Variants in PTPRT observed in about 807,000 individuals in gnomAD.
The protein encoded by PTPRT is protein tyrosine phosphatase receptor type T.
A neutral mutation model predicts 176.8 loss-of-function variants in PTPRT; 56 were observed. The ratio of observed to expected loss-of-function variants is 0.32; its 90% CI spans 0.26 to 0.40. PTPRT has a LOEUF of 0.40. Ranked by LOEUF, PTPRT falls within the 10% of genes least tolerant of loss-of-function variation. The probability of loss-of-function intolerance (pLI) is 1.00; values close to 1 mark genes in which losing one functional copy is unlikely to be tolerated. For missense variants in PTPRT, 1,540 were observed against 1,908.2 expected (o/e 0.81, Z 3.60); for synonymous variants, 783 against 739.0 (o/e 1.06, Z -0.96).
At chr20:42,524,190 A>G (rs1445138233) in intron 7 of PTPRT, among the ~76,000 whole-genome samples, 1 of 152,168 alleles carries the variant, frequency 6.6e-6, no homozygotes, top group Non-Finnish European at 1.5e-5. Flanking sequence ...TATTTTTTAT[A>G]TAGTCAGTGT....
At chr20:43,140,541 G>A (rs2013973883) in intron 1 of PTPRT, among the ~76,000 whole-genome samples, 1 of 151,566 alleles carries the variant, frequency 6.6e-6, no homozygotes, top group African/African-American at 2.4e-5. Context: ...TGTGCATGTA[G>A]TGTAAAGTGG....
chr20:42,829,019 G>GA (rs144041897), intron 2 of PTPRT, among the ~76,000 whole-genome samples: 14,858 of 151,976 alleles, frequency 0.098, 793 homozygotes, highest in African/African-American at 0.14. Flanking sequence ...CATGTGCCTG[G>GA]AAAAATCACA....
At chr20:42,541,457 G>A (rs2072577272) in intron 7 of PTPRT, among the ~76,000 whole-genome samples, 1 of 151,890 alleles carries the variant, frequency 6.6e-6, no homozygotes, top group Non-Finnish European at 1.5e-5. Flanking sequence ...AATAAAGGTG[G>A]AATATAAATC....
chr20:42,252,472 T>C (rs2056563585), intron 13 of PTPRT, among the ~76,000 whole-genome samples: 2 of 151,578 alleles, frequency 1.3e-5, no homozygotes, highest in South Asian at 4.2e-4. Flanking sequence ...ATTTAGTGAG[T>C]AGAGGGAGAT....
chr20:42,219,963 A>G (rs541647104), intron 15 of PTPRT, among the ~76,000 whole-genome samples: 1 of 152,334 alleles, frequency 6.6e-6, no homozygotes, highest in Admixed American at 6.5e-5. Context: ...CACATCGTTC[A>G]TGCAGTAGCC....
At chr20:42,544,326 A>G (rs1243151962) in intron 7 of PTPRT, among the ~76,000 whole-genome samples, 3 of 152,246 alleles carry the variant, frequency 2.0e-5, no homozygotes, top group Non-Finnish European at 4.4e-5. Context: ...CACTTCTGTT[A>G]TGAAGAAAAC....
chr20:42,976,432 G>T (rs1351776030), intron 1 of PTPRT, among the ~76,000 whole-genome samples: 1 of 151,424 alleles, frequency 6.6e-6, no homozygotes, highest in Non-Finnish European at 1.5e-5. Context: ...TTGAGACAGA[G>T]TCTCGCTCTG....
rs208203 is a variant in PTPRT at position 42,896,297 on chromosome 20, C to T, written c.89-10365G>A. Among the ~76,000 whole-genome samples, 508 of 152,044 alleles carry T rather than the reference C, an allele frequency of 3.3e-3. 4 individuals carry two copies. The highest frequency in any genetic ancestry group is 0.011 in the African/African-American group (468 of 41,454). Reference sequence around the variant, plus strand: ...ATAGGTCCACCTACAAAATTTGGAGCGCCCCTTGCAAGACTAAAATGCAGA... The same window carrying T: ...ATAGGTCCACCTACAAAATTTGGAGTGCCCCTTGCAAGACTAAAATGCAGA... On this transcript the variant is annotated intron_variant, in intron 1 of 30. Transcript: ENST00000373187.
chr20:42,519,981 C>T (rs1387827656), intron 7 of PTPRT, among the ~76,000 whole-genome samples: 1 of 151,984 alleles, frequency 6.6e-6, no homozygotes. Context: ...TGAATTTATC[C>T]TTTCATCACA....
intron 1 of PTPRT, among the ~76,000 whole-genome samples, chr20:43,116,346 G>A (rs946185297): frequency 1.3e-5 from 2 of 152,054 alleles, no homozygotes; most frequent in Non-Finnish European, 2.9e-5. Flanking sequence ...AGGTGGTGGG[G>A]GATTAAATGA....
At chr20:42,443,005 G>A (rs577003941) in intron 9 of PTPRT, among the ~76,000 whole-genome samples, 2 of 152,288 alleles carry the variant, frequency 1.3e-5, no homozygotes, top group East Asian at 3.9e-4. Context: ...GAACCCTGAT[G>A]CCTTAATCAA....
At chr20:42,655,580 G>A (rs894164647) in intron 7 of PTPRT, among the ~76,000 whole-genome samples, 1 of 152,212 alleles carries the variant, frequency 6.6e-6, no homozygotes, top group Non-Finnish European at 1.5e-5. Flanking sequence ...AATAGTGGCA[G>A]CAAAGACTCC....
At chr20:42,624,645 G>A (rs2074259039) in intron 7 of PTPRT, among the ~76,000 whole-genome samples, 1 of 152,164 alleles carries the variant, frequency 6.6e-6, no homozygotes, top group Non-Finnish European at 1.5e-5. Flanking sequence ...TCTGAAGAGA[G>A]TAAAGGAGAA....
At chr20:42,601,713 A>G (rs984660869) in intron 7 of PTPRT, among the ~76,000 whole-genome samples, 2 of 152,226 alleles carry the variant, frequency 1.3e-5, no homozygotes, top group Non-Finnish European at 2.9e-5. Context: ...ATAAATCATT[A>G]CTAAATTAAT....
chr20:42,610,480 A>T (rs969272981), intron 7 of PTPRT, among the ~76,000 whole-genome samples: 2 of 149,814 alleles, frequency 1.3e-5, no homozygotes, highest in African/African-American at 2.5e-5. Flanking sequence ...TTGGCCTCCC[A>T]AAGGGCTGGG....
chr20:42,648,937 G>A (rs1005007928), intron 7 of PTPRT, among the ~76,000 whole-genome samples: 3 of 150,006 alleles, frequency 2.0e-5, no homozygotes, highest in African/African-American at 7.4e-5. Flanking sequence ...TCCTGCCTCA[G>A]CCTCCCGAGT....
intron 9 of PTPRT, among the ~76,000 whole-genome samples, chr20:42,356,708 CAAT>C (rs1294191416): frequency 2.0e-5 from 3 of 152,088 alleles, no homozygotes; most frequent in Non-Finnish European, 2.9e-5. Context: ...ACAACAACAA[CAAT>C]GACAAAATCC....
chr20:42,974,832 C>A (rs1172493558), intron 1 of PTPRT, among the ~76,000 whole-genome samples: 1 of 152,208 alleles, frequency 6.6e-6, no homozygotes. Context: ...AGCACTACCC[C>A]CAATGGTCAT....
rs1354822968 is a variant in PTPRT, at chr20:43,007,816, GAT to G, written c.89-121886_89-121885del. Among the ~76,000 whole-genome samples the G allele has an allele frequency of 3.3e-5, 5 of 152,196 alleles. No homozygotes were observed. The East Asian group carries it at 7.7e-4, about 23-fold the overall frequency. The stretch of plus-strand genomic sequence containing the variant: ...CAGAAAAATAGTTAGCATAGTTGTT[GAT>G]ACTTCAGGCATTATCTGCACTTACC... On this transcript the variant is annotated intron_variant, in intron 1 of 30. Coordinates refer to ENST00000373187, the MANE Select transcript of PTPRT (RefSeq NM_007050.6).
Sources: allele counts gnomAD v4.1 joint callset (sites outside exome capture counted in the v4.1 genomes callset), GRCh38; gene constraint gnomAD v4.1.1; transcripts MANE v1.5; gene names NCBI Gene and HGNC (gene_info 2026-07-23, HGNC 2026-07-21).